The following RIMS1 variants were observed in gnomAD, a reference collection of about 807,000 sequenced individuals.
RIMS1 encodes the protein regulating synaptic membrane exocytosis protein 1.
Under a neutral mutation model 214.1 loss-of-function variants are expected in RIMS1, and 83 were observed. The observed-to-expected ratio is 0.39, with a 90% CI of 0.32 to 0.47. The LOEUF (loss-of-function observed/expected upper bound fraction) is 0.47, where lower values mean the gene tolerates loss of function less well. Ranked by LOEUF, RIMS1 falls within the 20% of genes least tolerant of loss-of-function variation. RIMS1 has a pLI of 0.99. For synonymous variants in RIMS1, 793 were observed against 786.8 expected, an observed-to-expected ratio of 1.01 and a Z score of -0.13; for missense variants, 2,050 against 2,161.8, an observed-to-expected ratio of 0.95 and a Z score of 1.03.
chr6:72,161,602 G>C lies in RIMS1; in HGVS notation c.472-17973G>C, dbSNP rs530410301. Among the ~76,000 whole-genome samples, 54 of 139,464 alleles carry C rather than the reference G, an allele frequency of 3.9e-4. 2 individuals carry two copies. Among genetic ancestry groups the C allele is most frequent in the Admixed American group, 1.0e-3 (14 of 13,572 alleles). 91.5% of individuals were successfully genotyped at this position (139,464 alleles called of 152,430 possible). A position where few individuals can be genotyped will look rare whatever the true frequency, so the allele number is the denominator to read the frequency against. ...GGTATGTTGTGTCTTTGTTCTCATT[G>C]GTTTCAAAGAACATCTTTATTTCTG... On this transcript the variant is annotated intron_variant, in intron 4 of 33. Coordinates refer to ENST00000521978, the MANE Select transcript of RIMS1 (RefSeq NM_014989.7).
chr6:72,274,284 T>C (rs2084966745), intron 22 of RIMS1, 65 bp from the exon 23 acceptor site: 1 of 1,113,942 alleles, frequency 9.0e-7, no homozygotes, highest in Non-Finnish European at 1.3e-6. Context: ...TTGTTCCATG[T>C]ATTCTTTTAT....
At chr6:72,152,233 T>TA (rs1486789879) in intron 4 of RIMS1, among the ~76,000 whole-genome samples, 1 of 152,244 alleles carries the variant, frequency 6.6e-6, no homozygotes, top group Non-Finnish European at 1.5e-5. Flanking sequence ...AACATTTTTA[T>TA]AGCACTTACT....
chr6:72,093,229 A>ATATATATATATATATAT, intron 2 of RIMS1, among the ~76,000 whole-genome samples: 1 of 82,586 alleles, frequency 1.2e-5, no homozygotes, highest in African/African-American at 3.4e-5. Flanking sequence ...TATATATATA[A>ATATATATATATATATAT]AAACATGTGT....
intron 24 of RIMS1, among the ~76,000 whole-genome samples, chr6:72,288,930 G>A (rs2092868167): frequency 6.6e-6 from 1 of 152,178 alleles, no homozygotes; most frequent in African/African-American, 2.4e-5. Flanking sequence ...AAACATTACA[G>A]GCTATTTTCA....
chr6:72,135,623 A>G (rs986605287), intron 4 of RIMS1, among the ~76,000 whole-genome samples: 2 of 152,192 alleles, frequency 1.3e-5, no homozygotes, highest in Admixed American at 1.3e-4. Flanking sequence ...CTTGATATCC[A>G]AAACTGACGT....
At chr6:72,190,038 T>C (rs530176506) in intron 6 of RIMS1, among the ~76,000 whole-genome samples, 18 of 152,332 alleles carry the variant, frequency 1.2e-4, no homozygotes, top group Admixed American at 1.1e-3. Flanking sequence ...GGCCATAGCC[T>C]GTGAATCAGT....
rs368552510 is a variant in RIMS1 at position 72,345,195 on chromosome 6, G to A, written c.4366+11360G>A. ...ATTTAATTCAGAGTGTTTTTTCATA[G>A]AGATTTTTGTTGATTGATTTTCACA... On this transcript the variant is annotated intron_variant, in intron 29 of 33. Transcript: ENST00000521978. Among the ~76,000 whole-genome samples the A allele has an allele frequency of 4.0e-4, 61 of 151,796 alleles. 1 individual carries two copies. Among genetic ancestry groups the A allele is most frequent in the African/African-American group, 1.4e-3 (59 of 41,510 alleles).
chr6:72,260,833 C>T (rs1330604199), intron 19 of RIMS1, 66 bp downstream of exon 19: 6 of 1,584,614 alleles, frequency 3.8e-6, no homozygotes, highest in East Asian at 2.3e-5. Context: ...ATTATTCTTC[C>T]GTCTCTCCCT....
intron 7 of RIMS1, 45 bp from the exon 8 acceptor site, chr6:72,235,573 A>T: frequency 8.0e-7 from 1 of 1,242,588 alleles, no homozygotes; most frequent in Non-Finnish European, 1.2e-6. Flanking sequence ...TGAATGCATT[A>T]CATTCTGTAT....
intron 1 of RIMS1, among the ~76,000 whole-genome samples, chr6:71,904,723 C>T (rs1441488620): frequency 2.0e-5 from 3 of 152,068 alleles, no homozygotes; most frequent in Non-Finnish European, 4.4e-5. Flanking sequence ...GATGAGAAAC[C>T]TAAGATTTAT....
intron 2 of RIMS1, among the ~76,000 whole-genome samples, chr6:72,016,547 G>A (rs1812819856): frequency 6.6e-6 from 1 of 152,150 alleles, no homozygotes; most frequent in Non-Finnish European, 1.5e-5. Context: ...ATCTTATTCA[G>A]TATCTTTTCT....
chr6:72,178,605 G>C (rs113527620), intron 4 of RIMS1, among the ~76,000 whole-genome samples: 1,702 of 152,318 alleles, frequency 0.011, 10 homozygotes, highest in Non-Finnish European at 0.017. Flanking sequence ...GCTTTTGGAG[G>C]CATGTAACTG....
chr6:72,126,591 AT>A (rs201581338), intron 4 of RIMS1: 3,932 of 177,716 alleles, frequency 0.022, 81 homozygotes, highest in African/African-American at 0.064. Flanking sequence ...CAAAAAAAAA[AT>A]AATTCCATCA....
chr6:72,268,418 A>G lies in RIMS1; in HGVS notation c.3398+2369A>G, dbSNP rs542648615. 3.3e-5 allele frequency among the ~76,000 whole-genome samples: 5 copies of G among 152,298 alleles called. No homozygotes were observed. The East Asian group carries it at 5.8e-4, about 18-fold the overall frequency. Reference sequence around the variant, plus strand: ...AAACTTAATTTTATATTCTTAAGAGATGAACATTATTTCTACAAATTTGTC... The same window carrying G: ...AAACTTAATTTTATATTCTTAAGAGGTGAACATTATTTCTACAAATTTGTC... On this transcript the variant is annotated intron_variant, in intron 22 of 33. Transcript: ENST00000521978.
At chr6:72,145,569 G>T (rs1481939584) in intron 4 of RIMS1, among the ~76,000 whole-genome samples, 3 of 152,088 alleles carry the variant, frequency 2.0e-5, no homozygotes, top group South Asian at 4.1e-4. Context: ...CCCAGATCAT[G>T]CCACTGCACC....
At chr6:72,128,020 G>A (rs1334832231) in intron 4 of RIMS1, among the ~76,000 whole-genome samples, 1 of 152,136 alleles carries the variant, frequency 6.6e-6, no homozygotes, top group Non-Finnish European at 1.5e-5. Flanking sequence ...GTATGTCAGG[G>A]AATTGGCTTT....
rs558684558 is a variant in RIMS1 at position 72,147,017 on chromosome 6, C to T, written c.472-32558C>T. Reference sequence around the variant, plus strand: ...TAAAGCAGGCAAGTCAAACGATTTTCAAAAGCCAAAGAAGCAGTTTATGAC... The same window carrying T: ...TAAAGCAGGCAAGTCAAACGATTTTTAAAAGCCAAAGAAGCAGTTTATGAC... On this transcript the variant is annotated intron_variant, in intron 4 of 33. Coordinates refer to ENST00000521978, the MANE Select transcript of RIMS1 (RefSeq NM_014989.7). Among the ~76,000 whole-genome samples the T allele has an allele frequency of 1.6e-4, 24 of 152,272 alleles. No homozygotes were observed. In the Middle Eastern group the frequency reaches 0.01, roughly 65 times the overall value.
chr6:72,330,189 A>G (rs1417859337), intron 28 of RIMS1, among the ~76,000 whole-genome samples: 2 of 151,836 alleles, frequency 1.3e-5, no homozygotes, highest in Admixed American at 1.3e-4. Context: ...AATGCATGAC[A>G]TATTGAGAGG....
At chr6:72,088,719 C>T (rs1443361719) in intron 2 of RIMS1, among the ~76,000 whole-genome samples, 1 of 152,044 alleles carries the variant, frequency 6.6e-6, no homozygotes, top group Non-Finnish European at 1.5e-5. Flanking sequence ...CATTTTGGTG[C>T]AAGAAAGTTT....
Sources: allele counts gnomAD v4.1 joint callset (sites outside exome capture counted in the v4.1 genomes callset), GRCh38; gene constraint gnomAD v4.1.1; transcripts MANE v1.5; gene names NCBI Gene and HGNC (gene_info 2026-07-23, HGNC 2026-07-21).